Variants in ERC2 observed in about 807,000 individuals in gnomAD.
The protein encoded by ERC2 is ELKS/RAB6-interacting/CAST family member 2, also known as ERC protein 2.
ERC2 carries 42 observed loss-of-function variants against 114.8 expected under a neutral mutation model. That is an observed-to-expected ratio of 0.37 (90% CI 0.29 to 0.47). The LOEUF (loss-of-function observed/expected upper bound fraction) is 0.47. Ranked by LOEUF, ERC2 falls within the 20% of genes least tolerant of loss-of-function variation. The probability of loss-of-function intolerance (pLI) is 0.99; values close to 1 mark genes in which losing one functional copy is unlikely to be tolerated. For synonymous variants in ERC2, 454 were observed against 425.5 expected (o/e 1.07, Z -0.82); for missense variants, 939 against 1,150.7 (o/e 0.82, Z 2.66).
intron 17 of ERC2, among the ~76,000 whole-genome samples, chr3:55,527,358 A>C (rs2053393671): frequency 6.6e-6 from 1 of 152,210 alleles, no homozygotes; most frequent in South Asian, 2.1e-4. Context: ...AATATTAGTC[A>C]ATATGACTAT....
At chr3:55,728,101 T>TATTC (rs2065032261) in intron 15 of ERC2, among the ~76,000 whole-genome samples, 1 of 152,316 alleles carries the variant, frequency 6.6e-6, no homozygotes, top group African/African-American at 2.4e-5. Context: ...CATCATGATT[T>TATTC]ATTCATTCAT....
At chr3:55,635,041 C>T (rs763835913) in intron 17 of ERC2, among the ~76,000 whole-genome samples, 36 of 151,954 alleles carry the variant, frequency 2.4e-4, no homozygotes, top group Non-Finnish European at 4.6e-4. Context: ...GCCACCACAC[C>T]CAGCTAATTT....
intron 15 of ERC2, among the ~76,000 whole-genome samples, chr3:55,715,166 T>C (rs815406): frequency 0.59 from 89,572 of 151,936 alleles, 26,720 homozygotes; most frequent in South Asian, 0.71. Context: ...ACAGGCATGG[T>C]TGTGTCTATG....
At chr3:56,396,194 TAGG>T (rs1286229186) in intron 2 of ERC2, among the ~76,000 whole-genome samples, 1 of 152,240 alleles carries the variant, frequency 6.6e-6, no homozygotes, top group Non-Finnish European at 1.5e-5. Flanking sequence ...AATTCTCTTC[TAGG>T]AGTTTATTCT....
At chr3:56,096,273 A>G (rs1576913696) in intron 6 of ERC2, among the ~76,000 whole-genome samples, 1 of 152,222 alleles carries the variant, frequency 6.6e-6, no homozygotes, top group African/African-American at 2.4e-5. Flanking sequence ...AGCAGTTATC[A>G]TTAAAAGCTA....
At chr3:55,916,501 TCACATGTGCGC>T (rs1200638834) in intron 13 of ERC2, among the ~76,000 whole-genome samples, 2 of 152,154 alleles carry the variant, frequency 1.3e-5, no homozygotes, top group Non-Finnish European at 2.9e-5. Flanking sequence ...TCGTTAATAA[TCACATGTGCGC>T]TAGTATAGTA....
At chr3:56,072,910 C>T (rs533400360) in intron 7 of ERC2, among the ~76,000 whole-genome samples, 2 of 151,980 alleles carry the variant, frequency 1.3e-5, no homozygotes, top group African/African-American at 2.4e-5. Flanking sequence ...ACAAATTAGT[C>T]GATATCATGA....
At chr3:55,623,056 T>C (rs1294449271) in intron 17 of ERC2, among the ~76,000 whole-genome samples, 1 of 152,184 alleles carries the variant, frequency 6.6e-6, no homozygotes, top group Non-Finnish European at 1.5e-5. Flanking sequence ...GATAAAGAAT[T>C]CATGTTCTCT....
chr3:56,032,801 A>G (rs1005808130), intron 7 of ERC2, among the ~76,000 whole-genome samples: 2 of 150,216 alleles, frequency 1.3e-5, no homozygotes, highest in Non-Finnish European at 3.0e-5. Flanking sequence ...CAGGAATTCA[A>G]CTCCAACCTG....
intron 17 of ERC2, among the ~76,000 whole-genome samples, chr3:55,598,231 A>T (rs573316977): frequency 5.6e-4 from 85 of 152,394 alleles, no homozygotes; most frequent in African/African-American, 2.0e-3. Flanking sequence ...TTCTTATAAT[A>T]ACTGCATGTC....
chr3:56,304,570 T>C (rs1415337951), intron 2 of ERC2, among the ~76,000 whole-genome samples: 2 of 152,064 alleles, frequency 1.3e-5, no homozygotes, highest in Non-Finnish European at 2.9e-5. Context: ...GCATGAACTA[T>C]ACAAGAAAGG....
intron 13 of ERC2, among the ~76,000 whole-genome samples, chr3:55,915,100 T>C (rs1359660459): frequency 6.6e-6 from 1 of 152,204 alleles, no homozygotes; most frequent in Non-Finnish European, 1.5e-5. Flanking sequence ...CATAGTGTCC[T>C]GAGTAAGTCT....
intron 17 of ERC2, among the ~76,000 whole-genome samples, chr3:55,649,057 G>A (rs1028842727): frequency 3.3e-5 from 5 of 151,896 alleles, no homozygotes; most frequent in Admixed American, 6.6e-5. Context: ...CCAGCTCCCC[G>A]AGTGTCCTGA....
chr3:55,982,764 T>C (rs754764359), intron 12 of ERC2, among the ~76,000 whole-genome samples: 1 of 152,194 alleles, frequency 6.6e-6, no homozygotes, highest in Non-Finnish European at 1.5e-5. Flanking sequence ...AAAGAACAAA[T>C]TGCAGGACAC....
At chr3:55,999,611 AAAT>A (rs1198906882) in intron 10 of ERC2, among the ~76,000 whole-genome samples, 3 of 152,046 alleles carry the variant, frequency 2.0e-5, no homozygotes, top group African/African-American at 7.2e-5. Context: ...TTAGAAAATA[AAAT>A]AATAAGTATA....
At chr3:55,517,446 CAAAAAA>C (rs11309251) in intron 17 of ERC2, among the ~76,000 whole-genome samples, 6 of 90,126 alleles carry the variant, frequency 6.7e-5, no homozygotes, top group South Asian at 8.2e-4. Flanking sequence ...GACTCCGTCT[CAAAAAA>C]AAAAAAAAAA....
intron 2 of ERC2, among the ~76,000 whole-genome samples, chr3:56,360,679 AG>A (rs1189649455): frequency 1.3e-5 from 2 of 152,146 alleles, no homozygotes; most frequent in East Asian, 3.9e-4. Context: ...AGGCCAAGGC[AG>A]GCAGATCATT....
chr3:55,567,619 G>T (rs758023600), intron 17 of ERC2, among the ~76,000 whole-genome samples: 4 of 152,150 alleles, frequency 2.6e-5, no homozygotes, highest in Non-Finnish European at 4.4e-5. Context: ...GAAAGGGACA[G>T]TGGTGAGGCT....
At chr3:55,540,015 C>A (rs2054290247) in intron 17 of ERC2, among the ~76,000 whole-genome samples, 1 of 150,460 alleles carries the variant, frequency 6.6e-6, no homozygotes, top group Admixed American at 6.6e-5. Flanking sequence ...GGATCCCATG[C>A]CTTATAAACA....
Sources: gnomAD v4.1 joint callset for allele counts (sites outside exome capture counted in the v4.1 genomes callset) on GRCh38, gnomAD v4.1.1 for gene constraint, MANE v1.5 for transcripts, NCBI Gene and HGNC (gene_info 2026-07-23, HGNC 2026-07-21) for gene names.